The following SMG6 variants were observed in gnomAD, a reference collection of about 807,000 sequenced individuals.
SMG6 encodes telomerase-binding protein EST1A.
In SMG6, 66 loss-of-function variants were observed where a neutral mutation model predicts 142.2. That is an observed-to-expected ratio of 0.46 (90% CI 0.38 to 0.57). SMG6 has a LOEUF of 0.57. Ranked by LOEUF, SMG6 falls within the 20% of genes least tolerant of loss-of-function variation. SMG6 has a pLI of 0.00. For missense variants in SMG6, 1,793 were observed against 1,832.0 expected (o/e 0.98, Z 0.39); for synonymous variants, 779 against 702.4 (o/e 1.11, Z -1.72).
At chr17:2,175,201 A>G (rs746095334) in intron 12 of SMG6, among the ~76,000 whole-genome samples, 2 of 152,232 alleles carry the variant, frequency 1.3e-5, no homozygotes, top group Non-Finnish European at 2.9e-5. Context: ...TCGGCTGCAG[A>G]GCAGCAATTT....
At chr17:2,206,787 C>T (rs908381503) in intron 10 of SMG6, among the ~76,000 whole-genome samples, 9 of 151,844 alleles carry the variant, frequency 5.9e-5, no homozygotes, top group Admixed American at 3.9e-4. Flanking sequence ...ACTTGGAAGG[C>T]TGAGGCAGGA....
intron 13 of SMG6, among the ~76,000 whole-genome samples, chr17:2,104,397 C>A (rs2069097560): frequency 6.6e-6 from 1 of 152,118 alleles, no homozygotes; most frequent in South Asian, 2.1e-4. Flanking sequence ...TGCCTGGCCA[C>A]CATCCAGACA....
At chr17:2,273,502 G>A (rs1396739488) in intron 8 of SMG6, among the ~76,000 whole-genome samples, 1 of 152,170 alleles carries the variant, frequency 6.6e-6, no homozygotes, top group African/African-American at 2.4e-5. Context: ...GCATGGTGGC[G>A]GGTGCCTGTA....
At position 2,226,540 on chromosome 17, in the gene SMG6, T is replaced by C. The variant is rs544454869; in HGVS notation, c.2869+9952A>G. On this transcript the variant is annotated intron_variant, in intron 10 of 18. Coordinates refer to ENST00000263073, the MANE Select transcript of SMG6 (RefSeq NM_017575.5). ...GTTGCAGTGAGCCAAGATCACGCCA[T>C]TGCACTCCAGCCCAGGCGACAGTAC... Among the ~76,000 whole-genome samples the C allele has an allele frequency of 1.1e-4, 17 of 150,038 alleles. No individual in the cohort carries two copies. In the South Asian group the frequency reaches 1.5e-3, roughly 13 times the overall value.
intron 13 of SMG6, among the ~76,000 whole-genome samples, chr17:2,132,066 C>T (rs1471665840): frequency 6.6e-6 from 1 of 151,822 alleles, no homozygotes; most frequent in East Asian, 1.9e-4. Flanking sequence ...GAGCAAGACT[C>T]TGTCTCCAAA....
Position 2,061,366 on chromosome 17 carries a change from G to C in SMG6, c.*126C>G. 1.0e-6 allele frequency: 1 copy of C among 963,532 alleles called. No homozygotes were observed. Among genetic ancestry groups the C allele is most frequent in the South Asian group, 1.6e-5 (1 of 61,868 alleles). 59.7% of individuals were successfully genotyped at this position (963,532 alleles called of 1,614,324 possible). ...CACAGCATGGCCGTGGCGTGGGTTGGAAGAGGATGGTTTATTGTCTGGGTG... is the reference window on the plus strand; with the variant it reads ...CACAGCATGGCCGTGGCGTGGGTTGCAAGAGGATGGTTTATTGTCTGGGTG... On this transcript the variant is annotated 3_prime_UTR_variant, in exon 19 of 19. Transcript: ENST00000263073.
chr17:2,196,906 G>A (rs1318386814), intron 10 of SMG6, among the ~76,000 whole-genome samples: 1 of 151,982 alleles, frequency 6.6e-6, no homozygotes, highest in African/African-American at 2.4e-5. Flanking sequence ...TCAACAAATG[G>A]TACTGAAGCA....
chr17:2,199,260 G>C (rs2072436162), intron 10 of SMG6, among the ~76,000 whole-genome samples: 1 of 152,240 alleles, frequency 6.6e-6, no homozygotes, highest in South Asian at 2.1e-4. Flanking sequence ...ACATGAGTCT[G>C]AGTACTGTTT....
At chr17:2,241,013 C>T (rs1392834679) in intron 9 of SMG6, among the ~76,000 whole-genome samples, 1 of 152,162 alleles carries the variant, frequency 6.6e-6, no homozygotes, top group African/African-American at 2.4e-5. Context: ...AATGTTATTT[C>T]TGTTTCTGCC....
chr17:2,159,661 A>G (rs2071114068), intron 13 of SMG6, among the ~76,000 whole-genome samples: 2 of 152,122 alleles, frequency 1.3e-5, no homozygotes, highest in Admixed American at 1.3e-4. Flanking sequence ...AAGCAATTCT[A>G]CTCCTGGATA....
intron 13 of SMG6, among the ~76,000 whole-genome samples, chr17:2,163,187 ATTATT>A (rs2071234418): frequency 6.6e-6 from 1 of 151,950 alleles, no homozygotes; most frequent in South Asian, 2.1e-4. Context: ...TAATACAAAG[ATTATT>A]TTATTTATTT....
chr17:2,124,041 C>T (rs2069790216), intron 13 of SMG6, among the ~76,000 whole-genome samples: 1 of 152,284 alleles, frequency 6.6e-6, no homozygotes, highest in Admixed American at 6.5e-5. Context: ...GCTCAAGGCT[C>T]CACCCAAATC....
intron 6 of SMG6, among the ~76,000 whole-genome samples, chr17:2,286,372 A>G (rs2074905624): frequency 6.6e-6 from 1 of 151,812 alleles, no homozygotes; most frequent in South Asian, 2.1e-4. Flanking sequence ...CCACAAACCT[A>G]CAGTAACTAA....
At chr17:2,103,051 G>C (rs1192742998) in intron 13 of SMG6, among the ~76,000 whole-genome samples, 5 of 152,214 alleles carry the variant, frequency 3.3e-5, no homozygotes, top group African/African-American at 1.2e-4. Context: ...TGGACACTCA[G>C]ACTAATTCCA....
chr17:2,128,857 G>A (rs966621483), intron 13 of SMG6, among the ~76,000 whole-genome samples: 1 of 145,796 alleles, frequency 6.9e-6, no homozygotes, highest in African/African-American at 2.5e-5. Flanking sequence ...AAGAAAGAAA[G>A]AAAGAGGAAG....
At chr17:2,254,776 G>C (rs1474409290) in intron 8 of SMG6, among the ~76,000 whole-genome samples, 1 of 152,154 alleles carries the variant, frequency 6.6e-6, no homozygotes, top group African/African-American at 2.4e-5. Flanking sequence ...TGCACAAGCT[G>C]TGAACAAGGC....
chr17:2,128,833 A>AG (rs1555541007), intron 13 of SMG6, among the ~76,000 whole-genome samples: 32 of 149,134 alleles, frequency 2.1e-4, no homozygotes, highest in Non-Finnish European at 2.7e-4. Context: ...AAAAAAAAAA[A>AG]AGAGAGAGAG....
chr17:2,127,577 C>A (rs2069940939), intron 13 of SMG6: 3 of 586,988 alleles, frequency 5.1e-6, no homozygotes, highest in African/African-American at 1.9e-5. Context: ...TGGGTGACGG[C>A]CCAATCTTGC....
chr17:2,186,388 G>C (rs2071985422), intron 12 of SMG6, among the ~76,000 whole-genome samples: 1 of 152,142 alleles, frequency 6.6e-6, no homozygotes, highest in Admixed American at 6.5e-5. Flanking sequence ...AATATGGAGT[G>C]AGGATGAGGG....
Sources: gnomAD v4.1 joint callset for allele counts (sites outside exome capture counted in the v4.1 genomes callset) on GRCh38, gnomAD v4.1.1 for gene constraint, MANE v1.5 for transcripts, NCBI Gene and HGNC (gene_info 2026-07-23, HGNC 2026-07-21) for gene names.